The following CDH6 variants were observed in gnomAD, a reference collection of about 807,000 sequenced individuals.
CDH6 encodes cadherin 6.
A neutral mutation model predicts 78.0 loss-of-function variants in CDH6; 31 were observed. The observed-to-expected ratio is 0.40, with a 90% CI of 0.30 to 0.54. CDH6 has a LOEUF of 0.54. Among genes scored for constraint, CDH6 ranks in the 20% least tolerant of loss-of-function variants. The pLI, the probability that CDH6 is intolerant of heterozygous loss-of-function variation, is 0.56. For missense variants in CDH6, 724 were observed against 975.9 expected, an observed-to-expected ratio of 0.74 and a Z score of 3.44; for synonymous variants, 376 against 368.8, an observed-to-expected ratio of 1.02 and a Z score of -0.23.
chr5:31,242,994 C>T (rs1441479062), intron 1 of CDH6, among the ~76,000 whole-genome samples: 2 of 152,166 alleles, frequency 1.3e-5, no homozygotes, highest in African/African-American at 4.8e-5. Context: ...CTATGTTGTA[C>T]TGATGAATCC....
intron 1 of CDH6, among the ~76,000 whole-genome samples, chr5:31,245,690 A>T (rs1342298545): frequency 6.6e-6 from 1 of 152,278 alleles, no homozygotes; most frequent in African/African-American, 2.4e-5. Context: ...TCTACAAGAA[A>T]TATTTAACCT....
chr5:31,293,069 C>T lies in CDH6; in HGVS notation c.229-893C>T, dbSNP rs74984610. Among the ~76,000 whole-genome samples the T allele has an allele frequency of 4.2e-3, 643 of 151,904 alleles. 3 individuals carry two copies. The highest frequency in any genetic ancestry group is 0.015 in the African/African-American group (620 of 41,438). On this transcript the variant is annotated intron_variant, in intron 2 of 11. Transcript: ENST00000265071. ...TTAGGATTCTCATCTTCTATTTCCA[C>T]GGTATCCTTAGTATTCATTTAATTC... is the stretch of plus-strand genomic sequence containing the variant.
At chr5:31,204,871 A>G (rs1050768270) in intron 1 of CDH6, among the ~76,000 whole-genome samples, 6 of 152,232 alleles carry the variant, frequency 3.9e-5, no homozygotes, top group Non-Finnish European at 8.8e-5. Context: ...CTGACTACCA[A>G]GGAGATGCTG....
At chr5:31,233,519 A>AC (rs1343082756) in intron 1 of CDH6, among the ~76,000 whole-genome samples, 2 of 27,450 alleles carry the variant, frequency 7.3e-5, no homozygotes, top group Admixed American at 5.9e-4. Context: ...TGTCTCAAAA[A>AC]AAAAAAACAA....
At chr5:31,267,821 G>T (rs1282218694) in intron 2 of CDH6, 120 bp downstream of exon 2, 2 of 749,928 alleles carry the variant, frequency 2.7e-6, no homozygotes, top group South Asian at 1.9e-5. Context: ...TGCTTAACTG[G>T]TAAGACTTTT....
chr5:31,238,379 A>G (rs1361551501), intron 1 of CDH6, among the ~76,000 whole-genome samples: 4 of 152,200 alleles, frequency 2.6e-5, no homozygotes, highest in African/African-American at 9.6e-5. Flanking sequence ...TAGTCCATGC[A>G]TAGGAGTGGC....
At chr5:31,304,737 C>G (rs1312229791) in intron 6 of CDH6, among the ~76,000 whole-genome samples, 6 of 145,698 alleles carry the variant, frequency 4.1e-5, no homozygotes, top group Non-Finnish European at 7.5e-5. Context: ...CATGGAATAA[C>G]CCACTGTGTA....
At chr5:31,197,085 C>T (rs910098289) in intron 1 of CDH6, among the ~76,000 whole-genome samples, 5 of 152,122 alleles carry the variant, frequency 3.3e-5, no homozygotes, top group South Asian at 4.1e-4. Flanking sequence ...AAGAATTCCC[C>T]GTTCAAATAA....
chr5:31,286,734 G>A (rs890033716), intron 2 of CDH6, among the ~76,000 whole-genome samples: 7 of 152,138 alleles, frequency 4.6e-5, no homozygotes, highest in African/African-American at 1.7e-4. Flanking sequence ...AGTTGATCTA[G>A]TTACAGAAAG....
In CDH6 at chr5:31,317,822, C is replaced by T. The variant is rs1561073184; in HGVS notation, c.1780C>T (p.His594Tyr). Residue 594 changes from histidine to tyrosine, a missense_variant, in exon 11 of 12, where the codon CAC becomes TAC. Physicochemically the swap from His to Tyr is moderately conservative, Grantham distance 83. Transcript: ENST00000265071. ...TGTCCGGGTCTGTGCATGTGACCAC[C>T]ACGGGAACATGCAATCCTGCCATGC... ...VTVRVCACDH[H>Y]GNMQSCHAEA... The T allele has an allele frequency of 3.1e-6, 5 of 1,613,968 alleles. No homozygotes were observed. The Admixed American group carries it at 5.0e-5, about 16-fold the overall frequency.
chr5:31,268,953 T>C (rs182756022), intron 2 of CDH6, among the ~76,000 whole-genome samples: 4 of 152,086 alleles, frequency 2.6e-5, no homozygotes, highest in African/African-American at 9.7e-5. Flanking sequence ...TCAACACAGA[T>C]CCCCAAGGAT....
Position 31,326,119 on chromosome 5 carries a change from G to A in CDH6, c.*2811G>A. The A allele has an allele frequency of 4.3e-6, 1 of 230,420 alleles. No homozygotes were observed. Among genetic ancestry groups the A allele is most frequent in the Non-Finnish European group, 8.6e-6 (1 of 116,412 alleles). The allele number at this position is 230,420 out of a possible 1,614,324, so 14.3% of individuals were successfully genotyped here. The stretch of plus-strand genomic sequence containing the variant: ...TTTCATTGTCTGTTTCCTAATTTTA[G>A]ATGTTGGTGATGGGAAAGATGGAAG... On this transcript the variant is annotated 3_prime_UTR_variant, in exon 12 of 12. Transcript: ENST00000265071.
In CDH6 at chr5:31,289,371, T is replaced by C. The variant is rs191019346; in HGVS notation, c.229-4591T>C. On this transcript the variant is annotated intron_variant, in intron 2 of 11. Coordinates refer to ENST00000265071, the MANE Select transcript of CDH6 (RefSeq NM_004932.4). ...CACATTTTCTTTATCCAGTCAACTG[T>C]TGGTGAACACATAGGTTGGTTCCAT... is the stretch of plus-strand genomic sequence containing the variant. 2.6e-5 allele frequency among the ~76,000 whole-genome samples: 4 copies of C among 152,294 alleles called. No homozygotes were observed. The East Asian group carries it at 7.7e-4, about 29-fold the overall frequency.
intron 1 of CDH6, among the ~76,000 whole-genome samples, chr5:31,215,364 T>A (rs141281469): frequency 1.5e-4 from 23 of 152,316 alleles, no homozygotes; most frequent in Non-Finnish European, 2.9e-4. Flanking sequence ...ACCATCAATA[T>A]TTAGGTAATA....
intron 1 of CDH6, among the ~76,000 whole-genome samples, chr5:31,222,833 T>C (rs2111834376): frequency 6.6e-6 from 1 of 152,304 alleles, no homozygotes; most frequent in South Asian, 2.1e-4. Context: ...CTATAAATTA[T>C]AGGTCATCTG....
At chr5:31,221,276 A>G (rs1225099999) in intron 1 of CDH6, among the ~76,000 whole-genome samples, 1 of 152,154 alleles carries the variant, frequency 6.6e-6, no homozygotes, top group Non-Finnish European at 1.5e-5. Context: ...GGTTGAATCA[A>G]TACTTCTTTT....
At chr5:31,265,173 TA>T (rs1742307035) in intron 1 of CDH6, among the ~76,000 whole-genome samples, 1 of 152,336 alleles carries the variant, frequency 6.6e-6, no homozygotes, top group East Asian at 1.9e-4. Flanking sequence ...TCTCTGCTAC[TA>T]AAAATGAATA....
rs1275775537 is a variant in CDH6, at chr5:31,193,726, G to C, written c.-289G>C. Reference sequence around the variant, plus strand: ...TGCAAATCAGTGTGTGCCCACAAGAGCCAGCTCTCCCGAGCCCGTAACCTT... The same window carrying C: ...TGCAAATCAGTGTGTGCCCACAAGACCCAGCTCTCCCGAGCCCGTAACCTT... On this transcript the variant is annotated 5_prime_UTR_variant, in exon 1 of 12. Coordinates refer to ENST00000265071, the MANE Select transcript of CDH6 (RefSeq NM_004932.4). 1 of 152,408 alleles carries C rather than the reference G, an allele frequency of 6.6e-6. No individual in the cohort carries two copies. The highest frequency in any genetic ancestry group is 1.5e-5 in the Non-Finnish European group (1 of 68,134). The allele number at this position is 152,408 out of a possible 1,614,324, so 9.4% of individuals were successfully genotyped here. A position where few individuals can be genotyped will look rare whatever the true frequency, so the allele number is the denominator to read the frequency against.
chr5:31,321,645 A>C (rs1400335708), intron 11 of CDH6, among the ~76,000 whole-genome samples: 1 of 152,152 alleles, frequency 6.6e-6, no homozygotes, highest in Non-Finnish European at 1.5e-5. Context: ...ATATAGATAC[A>C]TGGGTGTGCC....
Sources: gnomAD v4.1 joint callset for allele counts (sites outside exome capture counted in the v4.1 genomes callset) on GRCh38, gnomAD v4.1.1 for gene constraint, MANE v1.5 for transcripts, NCBI Gene and HGNC (gene_info 2026-07-23, HGNC 2026-07-21) for gene names.